Variants in CTR9 observed in about 807,000 individuals in gnomAD.
CTR9 encodes the protein CTR9 component of Paf1/RNA polymerase II complex.
In CTR9, 41 loss-of-function variants were observed where a neutral mutation model predicts 152.1. The ratio of observed to expected loss-of-function variants is 0.27; its 90% confidence interval spans 0.21 to 0.35. The LOEUF (loss-of-function observed/expected upper bound fraction) is 0.35, where lower values mean the gene tolerates loss of function less well. Ranked by LOEUF, CTR9 falls within the 10% of genes least tolerant of loss-of-function variation. The pLI, the probability that CTR9 is intolerant of heterozygous loss-of-function variation, is 1.00. For missense variants in CTR9, 917 were observed against 1,424.4 expected, an observed-to-expected ratio of 0.64 and a Z score of 5.73; for synonymous variants, 476 against 496.2, an observed-to-expected ratio of 0.96 and a Z score of 0.54.
At chr11:10,762,657 A>G (rs964479681) in intron 7 of CTR9, among the ~76,000 whole-genome samples, 3 of 152,124 alleles carry the variant, frequency 2.0e-5, no homozygotes, top group East Asian at 1.9e-4. Flanking sequence ...ATCATGTTGT[A>G]TTTTTTAAGT....
At chr11:10,766,357 T>G (rs1863059692) in intron 12 of CTR9, 45 bp from the exon 13 acceptor site, 1 of 1,401,616 alleles carries the variant, frequency 7.1e-7, no homozygotes, top group African/African-American at 1.4e-5. Flanking sequence ...TATGATCCTT[T>G]ATAGCTAATA....
intron 2 of CTR9, 62 bp from the exon 3 acceptor site, chr11:10,754,896 G>A: frequency 6.6e-7 from 1 of 1,524,938 alleles, no homozygotes; most frequent in Non-Finnish European, 8.9e-7. Context: ...GTAAACATTT[G>A]TGTACAACTT....
At chr11:10,755,542 G>T in intron 3 of CTR9, 136 bp from the exon 4 acceptor site, 1 of 596,146 alleles carries the variant, frequency 1.7e-6, no homozygotes. Context: ...AGAATTGCTT[G>T]TTAGTAGCTT....
At position 10,764,358 on chromosome 11, in the gene CTR9, G is replaced by A. The variant is rs756837743; in HGVS notation, c.1335G>A (p.Val445=). ...GTATRILQEK[V]QADVPPEILN... is the part of the protein sequence containing the mutation. ...CAACACGAATCCTTCAGGAGAAAGT[G>A]CAGGCCGATGTTCCTCCAGAGATTC... The change falls in exon 11 of 25, where the codon GTG becomes GTA. Residue 445 remains valine, a synonymous_variant. Coordinates refer to ENST00000361367, the MANE Select transcript of CTR9 (RefSeq NM_014633.5). 1.2e-6 allele frequency: 2 copies of A among 1,614,072 alleles called. No individual in the cohort carries two copies. Among genetic ancestry groups the A allele is most frequent in the South Asian group, 1.1e-5 (1 of 91,080 alleles).
At position 10,754,929 on chromosome 11, in the gene CTR9, T is replaced by C. The variant is rs190269934; in HGVS notation, c.145-29T>C. ...CTTTTTATATGGACATATGCTTTAG[T>C]GATTCTAATTTGTTTCATTACCTTA... On this transcript the variant is annotated intron_variant, in intron 2 of 24. Coordinates refer to ENST00000361367, the MANE Select transcript of CTR9 (RefSeq NM_014633.5). The C allele has an allele frequency of 5.6e-5, 90 of 1,601,898 alleles. No homozygotes were observed. In the Admixed American group the frequency reaches 1.3e-3, roughly 23 times the overall value.
At chr11:10,775,435 A>T in intron 23 of CTR9, 86 bp from the exon 24 acceptor site, 1 of 1,361,040 alleles carries the variant, frequency 7.3e-7, no homozygotes, top group Non-Finnish European at 1.0e-6. Flanking sequence ...TGGCTGTTTG[A>T]TTGTATCATT....
rs965758823 is a variant in CTR9, at chr11:10,778,811, A to T, written c.3228A>T (p.Pro1076=). ...SGSEAGSPRR[P]RRQRSDQDSD... ...GCGAGGCCGGCAGTCCCCGGAGGCC[A>T]CGAAGACAGCGGTCAGATCAGGACT... The change falls in exon 25 of 25, where the codon CCA becomes CCT. Residue 1076 remains proline (P), a synonymous_variant. Coordinates refer to ENST00000361367, the MANE Select transcript of CTR9 (RefSeq NM_014633.5). 1 of 1,614,236 alleles carries T rather than the reference A, an allele frequency of 6.2e-7. No individual in the cohort carries two copies. The highest frequency in any genetic ancestry group is 8.5e-7 in the Non-Finnish European group (1 of 1,180,038).
chr11:10,771,677 G>A (rs1049132026), intron 19 of CTR9, 61 bp downstream of exon 19: 58 of 1,223,460 alleles, frequency 4.7e-5, no homozygotes, highest in Non-Finnish European at 6.1e-6. Context: ...CATGGGCTGG[G>A]AAAGTGCCAC....
Position 10,774,160 on chromosome 11 carries a change from AGAG to A in CTR9, c.2880_2882del (p.Arg962del), listed in dbSNP as rs968571283. On this transcript the variant is annotated inframe_deletion, in exon 22 of 25. Transcript: ENST00000361367. ...GAGGGTGGTGAGAGAAAGAAGAAAA[AGAG>A]GAGAAGGTAATGTCATCATTAATGT... 1.3e-5 allele frequency: 21 copies of A among 1,609,096 alleles called. No individual in the cohort carries two copies. The highest frequency in any genetic ancestry group is 1.6e-5 in the Non-Finnish European group (19 of 1,177,750).
chr11:10,775,379 C>A, intron 23 of CTR9, 76 bp downstream of exon 23: 1 of 1,432,912 alleles, frequency 7.0e-7, no homozygotes. Flanking sequence ...ACATTCTTTC[C>A]TTGCAGCTTT....
intron 2 of CTR9, among the ~76,000 whole-genome samples, chr11:10,753,683 AAT>A (rs947076737): frequency 6.7e-6 from 1 of 148,232 alleles, no homozygotes; most frequent in African/African-American, 2.5e-5. Context: ...ATGTATATAT[AAT>A]ATATATTATA....
intron 3 of CTR9, 33 bp from the exon 4 acceptor site, chr11:10,755,645 G>T: frequency 7.3e-7 from 1 of 1,363,968 alleles, no homozygotes; most frequent in Non-Finnish European, 1.0e-6. Flanking sequence ...TGGTATATAG[G>T]GGTAAAATCT....
chr11:10,775,164 G>A, intron 22 of CTR9, 43 bp from the exon 23 acceptor site: 5 of 1,495,482 alleles, frequency 3.3e-6, no homozygotes, highest in Non-Finnish European at 4.6e-6. Flanking sequence ...GAACTTTATA[G>A]GTAGGCTCTT....
intron 24 of CTR9, 47 bp downstream of exon 24, chr11:10,775,680 C>A: frequency 1.6e-6 from 2 of 1,268,620 alleles, no homozygotes; most frequent in South Asian, 2.6e-5. Context: ...GTAGATAAAT[C>A]AAAAGTGATT....
rs1564974327 is a variant in CTR9 at position 10,778,745 on chromosome 11, A to G, written c.3162A>G (p.Ser1054=). The G allele has an allele frequency of 6.2e-7, 1 of 1,614,228 alleles. No individual in the cohort carries two copies. The highest frequency in any genetic ancestry group is 2.2e-5 in the East Asian group (1 of 44,890). ...ACGAACAACGAAAGAAATGTGCCTC[A>G]TCAGAGAGTGATTCCGATGAGAACC... The part of the protein sequence containing the change: ...DEDEQRKKCA[S]SESDSDENQN... The change falls in exon 25 of 25, where the codon TCA becomes TCG. Residue 1054 remains serine (S), a synonymous_variant. Coordinates refer to ENST00000361367, the MANE Select transcript of CTR9 (RefSeq NM_014633.5).
intron 22 of CTR9, 44 bp downstream of exon 22, chr11:10,774,213 G>A (rs775601654): frequency 7.7e-6 from 12 of 1,551,214 alleles, no homozygotes; most frequent in South Asian, 2.5e-5. Flanking sequence ...CATAAAAGTG[G>A]TGAAAGACCT....
rs1474673063 is a variant in CTR9 at position 10,760,200 on chromosome 11, G to T, written c.620G>T (p.Cys207Phe). Residue 207 changes from cysteine to phenylalanine, a missense_variant, in exon 6 of 25, where the codon TGC (cysteine) becomes TTC (phenylalanine). Physicochemically the swap from Cys to Phe is radical, Grantham distance 205 (BLOSUM62 -2). Coordinates refer to ENST00000361367, the MANE Select transcript of CTR9 (RefSeq NM_014633.5). ...GAAGTTCGTTTAGGAATGGGTCATTGCTTTGTGAAACTTAACAAACTGGAA... is the reference window on the plus strand; with the variant it reads ...GAAGTTCGTTTAGGAATGGGTCATTTCTTTGTGAAACTTAACAAACTGGAA... ...PAEVRLGMGH[C>F]FVKLNKLEKA... 1 of 1,614,044 alleles carries T rather than the reference G, an allele frequency of 6.2e-7. No homozygotes were observed. The highest frequency in any genetic ancestry group is 1.1e-5 in the South Asian group (1 of 91,072).
At chr11:10,759,191 T>A (rs1862935619) in intron 5 of CTR9, among the ~76,000 whole-genome samples, 1 of 152,080 alleles carries the variant, frequency 6.6e-6, no homozygotes, top group Admixed American at 6.5e-5. Flanking sequence ...ATTAAGAGAT[T>A]AGGGAAATGA....
chr11:10,769,660 T>C (rs527423454), intron 16 of CTR9, among the ~76,000 whole-genome samples: 1 of 152,310 alleles, frequency 6.6e-6, no homozygotes, highest in South Asian at 2.1e-4. Flanking sequence ...GTCTTAACCA[T>C]TTTTCATGAA....
Sources: allele counts gnomAD v4.1 joint callset (sites outside exome capture counted in the v4.1 genomes callset), GRCh38; gene constraint gnomAD v4.1.1; transcripts MANE v1.5; gene names NCBI Gene and HGNC (gene_info 2026-07-23, HGNC 2026-07-21).